The following XRCC4 variants were observed in gnomAD, a reference collection of about 807,000 sequenced individuals.
XRCC4 encodes X-ray repair cross complementing 4, also known as DNA repair protein XRCC4.
Under a neutral mutation model 39.1 loss-of-function variants are expected in XRCC4, and 28 were observed. The ratio of observed to expected loss-of-function variants is 0.72; its 90% confidence interval spans 0.53 to 0.98. XRCC4 has a LOEUF of 0.98. Ranked by LOEUF, XRCC4 falls within the 50% of genes least tolerant of loss-of-function variation. The probability of loss-of-function intolerance (pLI) is 0.00; values close to 1 mark genes in which losing one functional copy is unlikely to be tolerated. For synonymous variants in XRCC4, 123 were observed against 126.4 expected (o/e 0.97, Z 0.18); for missense variants, 350 against 376.4 (o/e 0.93, Z 0.58).
At chr5:83,284,729 T>C (rs1206925735) in intron 7 of XRCC4, among the ~76,000 whole-genome samples, 1 of 152,132 alleles carries the variant, frequency 6.6e-6, no homozygotes, top group East Asian at 1.9e-4. Context: ...TATGTCAGTG[T>C]TTCCAAGGAA....
At chr5:83,266,622 T>C (rs982783113) in intron 7 of XRCC4, among the ~76,000 whole-genome samples, 3 of 152,052 alleles carry the variant, frequency 2.0e-5, no homozygotes. Context: ...AGCACAAACA[T>C]GCTTTATTTA....
chr5:83,259,042 G>T, intron 7 of XRCC4: 4 of 183,140 alleles, frequency 2.2e-5, no homozygotes, highest in Admixed American at 5.9e-5. Flanking sequence ...CATTTAATTT[G>T]GTTATGCTTG....
chr5:83,166,746 G>A lies in XRCC4; in HGVS notation c.316-29024G>A, dbSNP rs145689164. ...CCTGCCTCGGCCTGCCAAAGAGTTG[G>A]CATTACAGGCGTGAGCCACCGTGCT... On this transcript the variant is annotated intron_variant, in intron 3 of 7. Transcript: ENST00000396027. Among the ~76,000 whole-genome samples the A allele has an allele frequency of 4.0e-3, 606 of 152,006 alleles. 4 individuals are homozygous for A. Among genetic ancestry groups the A allele is most frequent in the Middle Eastern group, 0.017 (5 of 294 alleles).
intron 6 of XRCC4, among the ~76,000 whole-genome samples, chr5:83,226,516 G>A (rs1396881809): frequency 6.6e-6 from 1 of 151,994 alleles, no homozygotes. Flanking sequence ...TAGATACACA[G>A]GTCTACTCCC....
chr5:83,158,841 A>G (rs1257291287), intron 3 of XRCC4, among the ~76,000 whole-genome samples: 1 of 152,108 alleles, frequency 6.6e-6, no homozygotes, highest in Non-Finnish European at 1.5e-5. Flanking sequence ...AAAAAATACA[A>G]AATGTTTATT....
intron 3 of XRCC4, among the ~76,000 whole-genome samples, chr5:83,127,698 C>T (rs879798630): frequency 4.6e-5 from 7 of 152,058 alleles, no homozygotes; most frequent in Non-Finnish European, 1.5e-5. Context: ...ATTTATTCCT[C>T]CATATAGATC....
intron 3 of XRCC4, among the ~76,000 whole-genome samples, chr5:83,178,151 G>A (rs1580333906): frequency 1.3e-5 from 2 of 152,242 alleles, no homozygotes; most frequent in African/African-American, 4.8e-5. Flanking sequence ...TAGATGGGTA[G>A]AGGTTTCGGT....
intron 3 of XRCC4, among the ~76,000 whole-genome samples, chr5:83,166,377 G>A (rs1027177944): frequency 4.0e-5 from 6 of 151,676 alleles, no homozygotes; most frequent in African/African-American, 9.7e-5. Flanking sequence ...CTGTTTTTAC[G>A]TCTTTGAGGA....
chr5:83,341,197 A>T (rs1756746174), intron 7 of XRCC4, among the ~76,000 whole-genome samples: 1 of 113,760 alleles, frequency 8.8e-6, no homozygotes, highest in East Asian at 7.3e-4. Context: ...TATAAGGTTT[A>T]AAAAAAAAAA....
intron 7 of XRCC4, among the ~76,000 whole-genome samples, chr5:83,285,386 A>T (rs1228433195): frequency 6.6e-6 from 1 of 152,040 alleles, no homozygotes; most frequent in Non-Finnish European, 1.5e-5. Context: ...GAAGTTAAAA[A>T]TTTTTCATTT....
chr5:83,096,469 G>A (rs936381019), intron 1 of XRCC4, among the ~76,000 whole-genome samples: 1 of 152,146 alleles, frequency 6.6e-6, no homozygotes, highest in African/African-American at 2.4e-5. Context: ...AAAGGGGGCT[G>A]AAGCCAAGCC....
At chr5:83,259,453 G>A (rs1463136686) in intron 7 of XRCC4, 2 of 151,920 alleles carry the variant, frequency 1.3e-5, no homozygotes, top group Non-Finnish European at 2.9e-5. Flanking sequence ...GTTTTCCAAT[G>A]GCCCTTTGTA....
chr5:83,130,485 A>C (rs1157123950), intron 3 of XRCC4, among the ~76,000 whole-genome samples: 2 of 152,162 alleles, frequency 1.3e-5, no homozygotes, highest in African/African-American at 2.4e-5. Context: ...TGGCCTCATA[A>C]AATGAGTTAG....
intron 3 of XRCC4, among the ~76,000 whole-genome samples, chr5:83,120,157 A>G (rs931952592): frequency 9.9e-5 from 15 of 152,204 alleles, no homozygotes; most frequent in African/African-American, 3.6e-4. Flanking sequence ...TCAGCATGCA[A>G]TCTCATACTT....
chr5:83,103,901 G>A (rs746174657), intron 1 of XRCC4, among the ~76,000 whole-genome samples: 1 of 152,192 alleles, frequency 6.6e-6, no homozygotes, highest in African/African-American at 2.4e-5. Flanking sequence ...AGAGGCCAGT[G>A]GCTAGATTGG....
intron 3 of XRCC4, among the ~76,000 whole-genome samples, chr5:83,182,472 A>G (rs1289795771): frequency 6.6e-6 from 1 of 152,204 alleles, no homozygotes; most frequent in Non-Finnish European, 1.5e-5. Flanking sequence ...AAAAATCTTT[A>G]TATAAAATTA....
intron 6 of XRCC4, among the ~76,000 whole-genome samples, chr5:83,223,818 C>T (rs1286548194): frequency 7.0e-6 from 1 of 142,296 alleles, no homozygotes; most frequent in Non-Finnish European, 1.5e-5. Flanking sequence ...TCTCCTAATG[C>T]TATCCCTCCC....
chr5:83,190,457 A>G (rs369567337), intron 3 of XRCC4, among the ~76,000 whole-genome samples: 3 of 152,208 alleles, frequency 2.0e-5, no homozygotes, highest in African/African-American at 7.2e-5. Flanking sequence ...ATGAGATTCT[A>G]TCTGGCCGTT....
chr5:83,177,480 C>T (rs1042761713), intron 3 of XRCC4, among the ~76,000 whole-genome samples: 5 of 142,494 alleles, frequency 3.5e-5, no homozygotes, highest in Admixed American at 7.2e-5. Context: ...AAAAACATAT[C>T]GAGCTTGGGT....
Sources: allele counts gnomAD v4.1 joint callset (sites outside exome capture counted in the v4.1 genomes callset), GRCh38; gene constraint gnomAD v4.1.1; transcripts MANE v1.5; gene names NCBI Gene and HGNC (gene_info 2026-07-23, HGNC 2026-07-21).